DNAH11: variants seen among roughly 807,000 people sequenced by gnomAD.
The protein encoded by DNAH11 is axonemal beta dynein heavy chain 11.
A neutral mutation model predicts 526.0 loss-of-function variants in DNAH11; 442 were observed. That is an observed-to-expected ratio of 0.84 (90% confidence interval 0.78 to 0.91). The LOEUF (loss-of-function observed/expected upper bound fraction) is 0.91, where lower values mean the gene tolerates loss of function less well. Ranked by LOEUF, DNAH11 falls within the 40% of genes least tolerant of loss-of-function variation. The pLI is 0.00. For missense variants in DNAH11, 6,989 were observed against 5,448.7 expected (o/e 1.28, Z -8.90); for synonymous variants, 2,461 against 1,935.9 (o/e 1.27, Z -7.12).
At chr7:21,892,311 C>T (rs1186614378) in intron 76 of DNAH11, 114 bp from the exon 77 acceptor site, 1 of 1,438,936 alleles carries the variant, frequency 6.9e-7, no homozygotes, top group Non-Finnish European at 9.3e-7. Flanking sequence ...GAGCCTGCTA[C>T]CCAGACAGCA....
At chr7:21,603,203 C>T (rs568395157) in intron 18 of DNAH11, among the ~76,000 whole-genome samples, 3 of 152,286 alleles carry the variant, frequency 2.0e-5, no homozygotes, top group African/African-American at 7.2e-5. Context: ...TAATGTTTTC[C>T]AGGTTCATTC....
At chr7:21,777,618 C>T (rs971070148) in intron 56 of DNAH11, among the ~76,000 whole-genome samples, 4 of 152,048 alleles carry the variant, frequency 2.6e-5, no homozygotes, top group African/African-American at 4.8e-5. Context: ...TTCTAATAGG[C>T]GTGTAGTGAT....
intron 30 of DNAH11, among the ~76,000 whole-genome samples, chr7:21,668,886 G>A (rs1782525781): frequency 2.0e-5 from 3 of 152,074 alleles, no homozygotes; most frequent in South Asian, 2.1e-4. Flanking sequence ...GAAAGTGTAC[G>A]TTTAACCATT....
At chr7:21,608,936 G>A (rs9639382) in intron 20 of DNAH11, among the ~76,000 whole-genome samples, 40,653 of 152,054 alleles carry the variant, frequency 0.27, 6,287 homozygotes, top group African/African-American at 0.42. Flanking sequence ...CAGCAGACAT[G>A]TCTAATGTAA....
Position 21,773,854 on chromosome 7 carries a change from G to T in DNAH11, c.9191G>T (p.Arg3064Ile). 6.2e-7 allele frequency: 1 copy of T among 1,608,354 alleles called. No individual in the cohort carries two copies. Among genetic ancestry groups the T allele is most frequent in the Non-Finnish European group, 8.5e-7 (1 of 1,177,442 alleles). Reference protein sequence around the residue: ...EMSTRYYQNERRHNYTTPKSF... With the variant: ...EMSTRYYQNEIRHNYTTPKSF... ...AGTACCAGATATTACCAGAATGAGAGAAGACACAACTATACCACCCCAAAG... is the reference window on the plus strand; with the variant it reads ...AGTACCAGATATTACCAGAATGAGATAAGACACAACTATACCACCCCAAAG... The change falls in exon 56 of 82, where the codon AGA becomes ATA. Residue 3064 changes from arginine to isoleucine, a missense_variant. Arg to Ile is a moderately conservative substitution (Grantham distance 97, BLOSUM62 -3). Transcript: ENST00000409508.
chr7:21,769,380 TC>T (rs1316914520), intron 55 of DNAH11, among the ~76,000 whole-genome samples: 1 of 151,138 alleles, frequency 6.6e-6, no homozygotes, highest in Non-Finnish European at 1.5e-5. Flanking sequence ...TTGTGGCTTT[TC>T]TCTAGGTGCT....
chr7:21,705,599 G>A (rs752573421), intron 39 of DNAH11, 62 bp downstream of exon 39: 20 of 1,547,378 alleles, frequency 1.3e-5, no homozygotes, highest in Admixed American at 8.8e-5. Context: ...ATTGTGGTTC[G>A]GCCTATTTTC....
intron 18 of DNAH11, among the ~76,000 whole-genome samples, chr7:21,605,004 C>T (rs1231523305): frequency 2.0e-5 from 3 of 152,182 alleles, no homozygotes; most frequent in Non-Finnish European, 4.4e-5. Flanking sequence ...TGTCTCCCAA[C>T]TGTTTTGATT....
intron 65 of DNAH11, among the ~76,000 whole-genome samples, chr7:21,840,445 A>C (rs1352010738): frequency 6.6e-6 from 1 of 152,204 alleles, no homozygotes; most frequent in Admixed American, 6.5e-5. Context: ...GAAGAATCCA[A>C]AATTTTCATA....
intron 28 of DNAH11, among the ~76,000 whole-genome samples, chr7:21,642,588 GAT>G (rs147430045): frequency 0.011 from 1,678 of 152,186 alleles, 25 homozygotes; most frequent in African/African-American, 0.038. Context: ...GTGTGACCGA[GAT>G]AACATGGCAA....
chr7:21,641,203 A>G (rs912432809), intron 28 of DNAH11, among the ~76,000 whole-genome samples: 1 of 152,164 alleles, frequency 6.6e-6, no homozygotes, highest in African/African-American at 2.4e-5. Flanking sequence ...TGGTGCCCAG[A>G]GTTTTTATGA....
At chr7:21,850,810 T>C (rs1046318878) in intron 66 of DNAH11, among the ~76,000 whole-genome samples, 2 of 152,178 alleles carry the variant, frequency 1.3e-5, no homozygotes, top group African/African-American at 4.8e-5. Flanking sequence ...TCCTTGTTTT[T>C]GTCTCCCTTG....
intron 35 of DNAH11, among the ~76,000 whole-genome samples, chr7:21,692,967 A>G (rs1384459359): frequency 6.6e-6 from 1 of 152,180 alleles, no homozygotes; most frequent in Non-Finnish European, 1.5e-5. Context: ...TTGCTATACC[A>G]TCTTTTGTGA....
intron 68 of DNAH11, among the ~76,000 whole-genome samples, chr7:21,858,246 T>A (rs1025694855): frequency 7.9e-5 from 12 of 152,204 alleles, no homozygotes; most frequent in African/African-American, 2.9e-4. Context: ...GTAGCACAGA[T>A]ATGGTACTAC....
chr7:21,713,243 C>T (rs1404918490), intron 42 of DNAH11, among the ~76,000 whole-genome samples: 2 of 152,138 alleles, frequency 1.3e-5, no homozygotes, highest in African/African-American at 2.4e-5. Context: ...TTCTGTTTAC[C>T]TCTCTGGACA....
chr7:21,855,080 G>A lies in DNAH11; in HGVS notation c.11202+625G>A, dbSNP rs1217795814. The stretch of plus-strand genomic sequence containing the variant: ...GGAGTCTCCCTCTGTCGCCCACGCT[G>A]GAGTGCAGTGGCGCGATCTTGGCTC... On this transcript the variant is annotated intron_variant, in intron 68 of 81. Coordinates refer to ENST00000409508, the MANE Select transcript of DNAH11 (RefSeq NM_001277115.2). 2.2e-5 allele frequency among the ~76,000 whole-genome samples: 3 copies of A among 139,450 alleles called. No homozygotes were observed. The Admixed American group carries it at 2.2e-4, about 10-fold the overall frequency. 91.5% of individuals were successfully genotyped at this position (139,450 alleles called of 152,430 possible).
intron 65 of DNAH11, among the ~76,000 whole-genome samples, chr7:21,825,786 C>A (rs1562568530): frequency 6.6e-6 from 1 of 151,930 alleles, no homozygotes; most frequent in Non-Finnish European, 1.5e-5. Context: ...GGTGAAACCC[C>A]TTCTCTACTA....
At chr7:21,810,533 G>C (rs1789470071) in intron 63 of DNAH11, among the ~76,000 whole-genome samples, 2 of 152,282 alleles carry the variant, frequency 1.3e-5, no homozygotes, top group Middle Eastern at 6.8e-3. Flanking sequence ...CAGGAGAACA[G>C]TTTTGAGGAG....
intron 74 of DNAH11, among the ~76,000 whole-genome samples, chr7:21,875,534 A>T (rs1783671548): frequency 1.3e-5 from 2 of 152,162 alleles, no homozygotes; most frequent in African/African-American, 4.8e-5. Context: ...ACAGTGCCTC[A>T]TGCCTACAAT....
Sources: allele counts gnomAD v4.1 joint callset (sites outside exome capture counted in the v4.1 genomes callset), GRCh38; gene constraint gnomAD v4.1.1; transcripts MANE v1.5; gene names NCBI Gene and HGNC (gene_info 2026-07-23, HGNC 2026-07-21).